Variants in NPHP1 observed in about 807,000 individuals in gnomAD.
NPHP1 encodes the protein nephrocystin-1.
In NPHP1, 70 loss-of-function variants were observed where a neutral mutation model predicts 90.4. That is an observed-to-expected ratio of 0.77 (90% CI 0.64 to 0.95). The LOEUF is 0.95. Ranked by LOEUF, NPHP1 falls within the 40% of genes least tolerant of loss-of-function variation. NPHP1 has a pLI of 0.00. For missense variants in NPHP1, 764 were observed against 795.9 expected, an observed-to-expected ratio of 0.96 and a Z score of 0.48; for synonymous variants, 256 against 271.7, an observed-to-expected ratio of 0.94 and a Z score of 0.57.
At chr2:110,143,716 C>T (rs1015301781) in intron 15 of NPHP1, 75 bp from the exon 16 acceptor site, 5 of 1,025,868 alleles carry the variant, frequency 4.9e-6, no homozygotes, top group Non-Finnish European at 7.6e-6. Flanking sequence ...ACAAGTATTT[C>T]ATGAAAATAT....
At chr2:110,128,961 G>A (rs1314821722) in intron 18 of NPHP1, 1 of 575,158 alleles carries the variant, frequency 1.7e-6, no homozygotes, top group African/African-American at 1.9e-5. Flanking sequence ...GATTGCAATA[G>A]TGTACATAGC....
chr2:110,191,418 T>C (rs1684725612), intron 2 of NPHP1, among the ~76,000 whole-genome samples: 1 of 152,164 alleles, frequency 6.6e-6, no homozygotes, highest in Non-Finnish European at 1.5e-5. Flanking sequence ...CGCTAATTGC[T>C]AGCACAGCAG....
At position 110,165,140 on chromosome 2, in the gene NPHP1, C is replaced by G; in HGVS notation, c.640G>C (p.Glu214Gln). The change falls in exon 7 of 20, where the codon GAA becomes CAA. Residue 214 changes from glutamate (E) to glutamine (Q), a missense_variant. Transcript: ENST00000445609. ...RTYLEPYSEE[E>Q]EGQESSEEGS... The stretch of plus-strand genomic sequence containing the variant: ...TCTTCACTTGACTCTTGGCCTTCTT[C>G]TTCTTCACTATAAGGCTAAAAAACC... 2.5e-6 allele frequency: 4 copies of G among 1,612,778 alleles called. No homozygotes were observed. Among genetic ancestry groups the G allele is most frequent in the Non-Finnish European group, 3.4e-6 (4 of 1,178,896 alleles).
rs1679595879 is a variant in NPHP1, at chr2:110,129,213, C to T, written c.1689G>A (p.Glu563=). Residue 563 remains glutamate (E), a synonymous_variant, in exon 18 of 20, where the codon GAG becomes GAA. Transcript: ENST00000445609. The part of the protein sequence containing the change: ...PMLATFPMLL[E]QPDVMDALRS... ...TGAGAGCATCCATCACATCAGGCTG[C>T]TCCAAGAGCATGGGGAAGGTGGCCA... 2 of 1,613,618 alleles carry T rather than the reference C, an allele frequency of 1.2e-6. No individual in the cohort carries two copies. Among genetic ancestry groups the T allele is most frequent in the Non-Finnish European group, 1.7e-6 (2 of 1,179,674 alleles).
chr2:110,150,139 A>G, intron 12 of NPHP1, 43 bp downstream of exon 12: 2 of 1,341,324 alleles, frequency 1.5e-6, no homozygotes, highest in Non-Finnish European at 2.1e-6. Flanking sequence ...AATATGTTCT[A>G]CTTTGAAATT....
intron 2 of NPHP1, among the ~76,000 whole-genome samples, chr2:110,187,042 T>C (rs1684330475): frequency 6.6e-6 from 1 of 152,108 alleles, no homozygotes; most frequent in Admixed American, 6.5e-5. Context: ...GGAAAATTTA[T>C]ATCACTAAAT....
chr2:110,163,117 C>T lies in NPHP1; in HGVS notation c.790G>A (p.Val264Met), dbSNP rs1559074346. ...GGAATAGCTCCCATCGTAGTTAACACATCAACAGTGTTTATCTGCTGAAGA... is the reference window on the plus strand; with the variant it reads ...GGAATAGCTCCCATCGTAGTTAACATATCAACAGTGTTTATCTGCTGAAGA... ...AISEQINTVD[V>M]LTTMGAIPAG... The change falls in exon 9 of 20, where the codon GTG (valine) becomes ATG (methionine). Residue 264 changes from valine to methionine, a missense_variant. Coordinates refer to ENST00000445609, the MANE Select transcript of NPHP1 (RefSeq NM_001128178.3). The T allele has an allele frequency of 6.2e-7, 1 of 1,612,462 alleles. No homozygotes were observed. Among genetic ancestry groups the T allele is most frequent in the Middle Eastern group, 1.7e-4 (1 of 6,058 alleles).
At chr2:110,203,300 A>G (rs1251080996) in intron 1 of NPHP1, among the ~76,000 whole-genome samples, 1 of 152,106 alleles carries the variant, frequency 6.6e-6, no homozygotes, top group Non-Finnish European at 1.5e-5. Flanking sequence ...AAGACTGCCT[A>G]TTGGGTACTG....
intron 16 of NPHP1, among the ~76,000 whole-genome samples, chr2:110,135,819 T>A (rs1335207679): frequency 1.3e-5 from 2 of 152,170 alleles, no homozygotes; most frequent in Admixed American, 6.5e-5. Flanking sequence ...TTCCTAAGAT[T>A]AGATTTTTAG....
At chr2:110,145,474 G>C (rs1680973661) in intron 14 of NPHP1, among the ~76,000 whole-genome samples, 1 of 151,822 alleles carries the variant, frequency 6.6e-6, no homozygotes, top group Non-Finnish European at 1.5e-5. Flanking sequence ...TATTTTTGTA[G>C]AGACAGGGTC....
rs141698068 is a variant in NPHP1, at chr2:110,131,138, T to C, written c.1642+541A>G. Among the ~76,000 whole-genome samples, 545 of 152,334 alleles carry C rather than the reference T, an allele frequency of 3.6e-3. 6 individuals are homozygous for C. The highest frequency in any genetic ancestry group is 0.012 in the African/African-American group (519 of 41,570). On this transcript the variant is annotated intron_variant, in intron 17 of 19. Coordinates refer to ENST00000445609, the MANE Select transcript of NPHP1 (RefSeq NM_001128178.3). ...TTATCTTTGCAGGTTCAATCATGTA[T>C]GGTGACTCATTGATTTTTAAACTTA...
In NPHP1 at chr2:110,204,660, G is replaced by A. The variant is rs1253953168; in HGVS notation, c.69+240C>T. 2.0e-5 allele frequency among the ~76,000 whole-genome samples: 3 copies of A among 152,032 alleles called. 1 individual carries two copies. The highest frequency in any genetic ancestry group is 4.4e-5 in the Non-Finnish European group (3 of 67,998). On this transcript the variant is annotated intron_variant, in intron 1 of 19. Transcript: ENST00000445609. Reference sequence around the variant, plus strand: ...GGGTCGGAGGAGGGGGCGCTTAGTTGATGGTCACGAATTTTGGGAGGTTTC... The same window carrying A: ...GGGTCGGAGGAGGGGGCGCTTAGTTAATGGTCACGAATTTTGGGAGGTTTC...
At chr2:110,135,866 C>T (rs544449549) in intron 16 of NPHP1, among the ~76,000 whole-genome samples, 2 of 152,160 alleles carry the variant, frequency 1.3e-5, no homozygotes, top group Admixed American at 1.3e-4. Context: ...TTCAGGCTTC[C>T]AGCCTGTTGG....
chr2:110,204,620 G>A (rs958090919), intron 1 of NPHP1, among the ~76,000 whole-genome samples: 6 of 152,074 alleles, frequency 3.9e-5, no homozygotes, highest in Admixed American at 1.3e-4. Context: ...AGGTTGAGAC[G>A]TTAGGTGGGA....
chr2:110,187,448 C>A (rs1420328805), intron 2 of NPHP1, among the ~76,000 whole-genome samples: 1 of 152,002 alleles, frequency 6.6e-6, no homozygotes, highest in African/African-American at 2.4e-5. Context: ...ACACATACAC[C>A]CTCCCAAGAC....
rs1411193581 is a variant in NPHP1 at position 110,196,434 on chromosome 2, GCAAAT to G, written c.143+4982_143+4986del. ...CATCATCACTGGCCATCAGGGAAAT[GCAAAT>G]CAAAACCACAATGAGATACCATCTC... On this transcript the variant is annotated intron_variant, in intron 2 of 19. Transcript: ENST00000445609. Among the ~76,000 whole-genome samples the G allele has an allele frequency of 3.3e-5, 5 of 152,178 alleles. 1 individual carries two copies. Among genetic ancestry groups the G allele is most frequent in the African/African-American group, 1.2e-4 (5 of 41,432 alleles).
rs1325635049 is a variant in NPHP1 at position 110,163,039 on chromosome 2, A to ACTG, written c.859+8_859+9insCAG. The ACTG allele has an allele frequency of 6.2e-7, 1 of 1,601,440 alleles. No homozygotes were observed. Among genetic ancestry groups the ACTG allele is most frequent in the African/African-American group, 1.3e-5 (1 of 74,812 alleles). On this transcript the variant is annotated intron_variant, in intron 9 of 19. Transcript: ENST00000445609. ...TGAAAGAGTGCAGTGGCTGATAGGC[A>ACTG]CGCATTACCTTCCTCCAGAAGCTGT...
At chr2:110,124,222 C>A (rs917959250) in intron 19 of NPHP1, 159 bp from the exon 20 acceptor site, 2 of 770,804 alleles carry the variant, frequency 2.6e-6, no homozygotes, top group Non-Finnish European at 4.5e-6. Flanking sequence ...GGACATGGCA[C>A]TTCAGAAGTG....
intron 2 of NPHP1, among the ~76,000 whole-genome samples, chr2:110,187,862 A>G (rs1314045702): frequency 6.6e-6 from 1 of 152,166 alleles, no homozygotes; most frequent in Non-Finnish European, 1.5e-5. Context: ...TTGGTTCAAC[A>G]TATACAAATT....
Sources: gnomAD v4.1 joint callset for allele counts (sites outside exome capture counted in the v4.1 genomes callset) on GRCh38, gnomAD v4.1.1 for gene constraint, MANE v1.5 for transcripts, NCBI Gene and HGNC (gene_info 2026-07-23, HGNC 2026-07-21) for gene names.